Variants in SLC35F4 observed in about 807,000 individuals in gnomAD.
The protein encoded by SLC35F4 is solute carrier family 35 member F4.
Under a neutral mutation model 44.2 loss-of-function variants are expected in SLC35F4, and 24 were observed. The observed-to-expected ratio is 0.54, with a 90% CI of 0.39 to 0.76. The LOEUF (loss-of-function observed/expected upper bound fraction) is 0.76, where lower values mean the gene tolerates loss of function less well. Ranked by LOEUF, SLC35F4 falls within the 30% of genes least tolerant of loss-of-function variation. SLC35F4 has a pLI of 0.00. For missense variants in SLC35F4, 562 were observed against 586.1 expected, an observed-to-expected ratio of 0.96 and a Z score of 0.42; for synonymous variants, 238 against 223.6, an observed-to-expected ratio of 1.06 and a Z score of -0.57.
chr14:57,784,447 G>T (rs889035403), intron 1 of SLC35F4, among the ~76,000 whole-genome samples: 2 of 152,176 alleles, frequency 1.3e-5, no homozygotes, highest in African/African-American at 4.8e-5. Context: ...ACTTTGGGAG[G>T]CCAAGGCAGG....
chr14:57,713,873 C>A (rs1433280207), intron 1 of SLC35F4, among the ~76,000 whole-genome samples: 3 of 152,208 alleles, frequency 2.0e-5, no homozygotes, highest in Non-Finnish European at 4.4e-5. Flanking sequence ...GTTGTCCAAT[C>A]TTCCATCGAA....
chr14:57,872,529 C>G lies in SLC35F4; in HGVS notation n.282+109384G>C, dbSNP rs1888316649. ...TCACCTAGACACAGCCTGACAGCAC[C>G]TCACCTCATGCCAATGCTGGGCACC... On this transcript the variant is annotated intron_variant and non_coding_transcript_variant, in intron 1 of 1. Transcript: ENST00000556568. 2.0e-5 allele frequency among the ~76,000 whole-genome samples: 3 copies of G among 152,164 alleles called. No individual in the cohort carries two copies. In the South Asian group the frequency reaches 6.2e-4, roughly 32 times the overall value.
At chr14:57,708,337 TA>T (rs1306005609) in intron 1 of SLC35F4, among the ~76,000 whole-genome samples, 1 of 152,156 alleles carries the variant, frequency 6.6e-6, no homozygotes, top group Non-Finnish European at 1.5e-5. Flanking sequence ...AAATTATCTT[TA>T]AAAACTCTGA....
chr14:57,899,491 C>G (rs529862287), intron 1 of SLC35F4, among the ~76,000 whole-genome samples: 1 of 151,846 alleles, frequency 6.6e-6, no homozygotes, highest in African/African-American at 2.4e-5. Context: ...ACATGTGAAA[C>G]TCTTTGAGAA....
At chr14:57,687,954 T>C (rs1258054966) in intron 1 of SLC35F4, among the ~76,000 whole-genome samples, 1 of 152,204 alleles carries the variant, frequency 6.6e-6, no homozygotes, top group Admixed American at 6.5e-5. Context: ...ATTGTCACAC[T>C]GCAAGATTGT....
At chr14:57,637,774 G>T (rs1279975187) in intron 1 of SLC35F4, among the ~76,000 whole-genome samples, 1 of 151,996 alleles carries the variant, frequency 6.6e-6, no homozygotes, top group African/African-American at 2.4e-5. Flanking sequence ...TTTCATATGA[G>T]AACTGAAAAT....
chr14:57,942,465 A>C (rs558258878), intron 1 of SLC35F4, among the ~76,000 whole-genome samples: 2 of 152,322 alleles, frequency 1.3e-5, no homozygotes, highest in East Asian at 1.9e-4. Context: ...AGATAACTTC[A>C]GATGACTTTT....
chr14:57,646,573 T>C (rs893971930), intron 1 of SLC35F4, among the ~76,000 whole-genome samples: 12 of 152,104 alleles, frequency 7.9e-5, no homozygotes, highest in African/African-American at 1.9e-4. Context: ...AAAAAACCAG[T>C]TCCTGGATTC....
chr14:57,849,209 G>A (rs1476683445), intron 1 of SLC35F4, among the ~76,000 whole-genome samples: 2 of 152,224 alleles, frequency 1.3e-5, no homozygotes, highest in Non-Finnish European at 2.9e-5. Flanking sequence ...TGCCCAGGCT[G>A]GAGTGCAGTG....
At chr14:57,667,522 C>A (rs1419026187) in intron 1 of SLC35F4, among the ~76,000 whole-genome samples, 1 of 138,364 alleles carries the variant, frequency 7.2e-6, no homozygotes, top group Non-Finnish European at 1.5e-5. Flanking sequence ...GTGTGATGTT[C>A]CCCTTCCTGT....
At chr14:57,972,274 G>A (rs989457789), downstream of SLC35F4, among the ~76,000 whole-genome samples, 5 of 152,196 alleles carry the variant, frequency 3.3e-5, no homozygotes, top group African/African-American at 1.2e-4. Context: ...TAGCTGGGGA[G>A]TGGTATTTTT....
chr14:57,798,299 C>T (rs2078104843), intron 1 of SLC35F4, among the ~76,000 whole-genome samples: 1 of 151,872 alleles, frequency 6.6e-6, no homozygotes, highest in Non-Finnish European at 1.5e-5. Flanking sequence ...TATCACAGAA[C>T]CTGGAATGAA....
At chr14:57,839,560 G>A (rs890839464) in intron 1 of SLC35F4, among the ~76,000 whole-genome samples, 10 of 152,082 alleles carry the variant, frequency 6.6e-5, no homozygotes, top group East Asian at 1.9e-4. Context: ...GAGGGGCAGC[G>A]GGGAGTGGGG....
chr14:57,620,713 T>C (rs961779956), intron 1 of SLC35F4, among the ~76,000 whole-genome samples: 2 of 152,164 alleles, frequency 1.3e-5, no homozygotes, highest in Non-Finnish European at 2.9e-5. Flanking sequence ...ACCTAATTTA[T>C]TGAGAGTTTT....
chr14:57,885,269 T>A (rs1362370253), intron 1 of SLC35F4, among the ~76,000 whole-genome samples: 1 of 152,208 alleles, frequency 6.6e-6, no homozygotes, highest in Non-Finnish European at 1.5e-5. Flanking sequence ...TACCTTTGAA[T>A]GCAGGTAGTA....
At chr14:57,662,666 A>G (rs1309934743) in intron 1 of SLC35F4, among the ~76,000 whole-genome samples, 2 of 152,168 alleles carry the variant, frequency 1.3e-5, no homozygotes, top group Admixed American at 6.6e-5. Context: ...ATAAACCTCT[A>G]CCATTTATAA....
At chr14:57,909,828 A>T (rs1007796740) in intron 1 of SLC35F4, among the ~76,000 whole-genome samples, 1 of 152,160 alleles carries the variant, frequency 6.6e-6, no homozygotes, top group African/African-American at 2.4e-5. Context: ...TATTTTGGGT[A>T]AACACCAAGA....
chr14:57,730,623 A>T (rs1023945926), intron 1 of SLC35F4, among the ~76,000 whole-genome samples: 4 of 152,158 alleles, frequency 2.6e-5, no homozygotes, highest in African/African-American at 9.7e-5. Flanking sequence ...TCTTATGAGG[A>T]ACTCTTGTGT....
intron 1 of SLC35F4, among the ~76,000 whole-genome samples, chr14:57,815,979 A>G (rs1882523435): frequency 6.6e-6 from 1 of 152,230 alleles, no homozygotes; most frequent in African/African-American, 2.4e-5. Context: ...TTGATAAAGA[A>G]GCAAATAGAG....
Sources: allele counts gnomAD v4.1 joint callset (sites outside exome capture counted in the v4.1 genomes callset), GRCh38; gene constraint gnomAD v4.1.1; transcripts MANE v1.5; gene names NCBI Gene and HGNC (gene_info 2026-07-23, HGNC 2026-07-21).